CSMD1: variants seen among roughly 807,000 people sequenced by gnomAD.
CSMD1 encodes the protein CUB and sushi domain-containing protein 1.
CSMD1 carries 213 observed loss-of-function variants against 417.5 expected under a neutral mutation model. The observed-to-expected ratio is 0.51, with a 90% CI of 0.46 to 0.57. The LOEUF (loss-of-function observed/expected upper bound fraction) is 0.57. Among genes scored for constraint, CSMD1 ranks in the 20% least tolerant of loss-of-function variants. CSMD1 has a pLI of 0.00. For missense variants in CSMD1, 6,923 were observed against 4,529.7 expected, an observed-to-expected ratio of 1.53 and a Z score of -15.17; for synonymous variants, 2,862 against 1,736.8, an observed-to-expected ratio of 1.65 and a Z score of -16.11.
intron 3 of CSMD1, among the ~76,000 whole-genome samples, chr8:4,142,774 A>C (rs1398031280): frequency 6.6e-6 from 1 of 151,112 alleles, no homozygotes; most frequent in Admixed American, 6.6e-5. Context: ...CATTAGTGCA[A>C]AACAGGCTTC....
chr8:2,951,749 C>T (rs982071609), intron 65 of CSMD1, among the ~76,000 whole-genome samples: 1 of 152,170 alleles, frequency 6.6e-6, no homozygotes, highest in African/African-American at 2.4e-5. Context: ...CTCGAAAAAG[C>T]TTACATATCC....
intron 10 of CSMD1, among the ~76,000 whole-genome samples, chr8:3,518,864 C>G (rs1797388044): frequency 6.6e-6 from 1 of 152,144 alleles, no homozygotes; most frequent in South Asian, 2.1e-4. Context: ...CATACTATAA[C>G]AAGACAGTCC....
intron 2 of CSMD1, among the ~76,000 whole-genome samples, chr8:4,613,039 G>T (rs1398617433): frequency 6.6e-6 from 1 of 152,102 alleles, no homozygotes; most frequent in Non-Finnish European, 1.5e-5. Flanking sequence ...GGGGCTAGAG[G>T]AACTTGTTTT....
rs1233118651 is a variant in CSMD1, at chr8:4,212,748, A to AT, written c.416-180650dup. ...GTGAAAAGTTTACAACAGCGGCCTT[A>AT]TTCTTTTTTTTTTTTTTTTTTTTTT... On this transcript the variant is annotated intron_variant, in intron 3 of 69. Transcript: ENST00000635120. Among the ~76,000 whole-genome samples the AT allele has an allele frequency of 3.5e-3, 357 of 101,884 alleles. 5 individuals are homozygous for AT. Among genetic ancestry groups the AT allele is most frequent in the African/African-American group, 0.011 (215 of 19,048 alleles). The allele number at this position is 101,884 out of a possible 152,430, so 66.8% of individuals were successfully genotyped here.
intron 7 of CSMD1, among the ~76,000 whole-genome samples, chr8:3,665,722 A>G (rs1010489534): frequency 2.0e-5 from 3 of 151,648 alleles, no homozygotes; most frequent in Non-Finnish European, 4.4e-5. Flanking sequence ...TCTTATCTCA[A>G]ATGAATTAAA....
chr8:3,119,452 A>C (rs369059142), intron 41 of CSMD1, among the ~76,000 whole-genome samples: 108 of 150,246 alleles, frequency 7.2e-4, no homozygotes, highest in African/African-American at 2.5e-3. Context: ...TATCAGTACA[A>C]TTTTTTATAA....
At chr8:3,687,206 G>C (rs1799985807) in intron 7 of CSMD1, among the ~76,000 whole-genome samples, 1 of 152,198 alleles carries the variant, frequency 6.6e-6, no homozygotes, top group African/African-American at 2.4e-5. Context: ...CTTCCATCTT[G>C]GTTTGCCCAG....
chr8:4,199,673 G>C (rs1324249646), intron 3 of CSMD1, among the ~76,000 whole-genome samples: 1 of 152,122 alleles, frequency 6.6e-6, no homozygotes, highest in African/African-American at 2.4e-5. Context: ...AGGCTGGACA[G>C]GCAAGGCAGT....
At chr8:3,566,455 C>T (rs1027202868) in intron 10 of CSMD1, among the ~76,000 whole-genome samples, 3 of 152,014 alleles carry the variant, frequency 2.0e-5, no homozygotes, top group African/African-American at 4.8e-5. Flanking sequence ...ACCACCGTAC[C>T]GCTCCTCCTG....
chr8:2,949,075 T>C (rs74806622), intron 68 of CSMD1, among the ~76,000 whole-genome samples: 6,667 of 152,076 alleles, frequency 0.044, 189 homozygotes, highest in Admixed American at 0.062. Flanking sequence ...CTTGATATAG[T>C]GAAGATATGA....
chr8:2,984,473 T>G (rs560546518), intron 54 of CSMD1, among the ~76,000 whole-genome samples: 5 of 152,224 alleles, frequency 3.3e-5, no homozygotes, highest in African/African-American at 9.6e-5. Context: ...CTCAGCCTCC[T>G]GAATAGCTGT....
chr8:4,238,346 G>T (rs539463489), intron 3 of CSMD1, among the ~76,000 whole-genome samples: 7 of 152,174 alleles, frequency 4.6e-5, no homozygotes, highest in Non-Finnish European at 1.0e-4. Context: ...TGGTCCTCCA[G>T]CTCCCAGCAA....
At chr8:4,277,176 T>A (rs1453129180) in intron 3 of CSMD1, among the ~76,000 whole-genome samples, 1 of 148,994 alleles carries the variant, frequency 6.7e-6, no homozygotes, top group Non-Finnish European at 1.5e-5. Context: ...TACATACATA[T>A]TTATATGTCA....
At chr8:3,484,310 G>A (rs1206807205) in intron 11 of CSMD1, among the ~76,000 whole-genome samples, 1 of 152,134 alleles carries the variant, frequency 6.6e-6, no homozygotes, top group Non-Finnish European at 1.5e-5. Flanking sequence ...TTTGATGAAG[G>A]CAGAAAAGCA....
intron 1 of CSMD1, among the ~76,000 whole-genome samples, chr8:4,921,936 T>G (rs1380628965): frequency 6.6e-6 from 1 of 152,146 alleles, no homozygotes; most frequent in Non-Finnish European, 1.5e-5. Flanking sequence ...GAACGTACCC[T>G]CACATCTGTT....
chr8:4,352,996 T>C lies in CSMD1; in HGVS notation c.415+66957A>G, dbSNP rs113471957. Reference sequence around the variant, plus strand: ...CAAGCCTTTGAATGCAACATTAAAATGACTAATTATTTCCTCTGGATACTA... The same window carrying C: ...CAAGCCTTTGAATGCAACATTAAAACGACTAATTATTTCCTCTGGATACTA... On this transcript the variant is annotated intron_variant, in intron 3 of 69. Coordinates refer to ENST00000635120, the MANE Select transcript of CSMD1 (RefSeq NM_033225.6). Among the ~76,000 whole-genome samples, 1,369 of 152,346 alleles carry C rather than the reference T, an allele frequency of 9.0e-3. 22 individuals carry two copies. Among genetic ancestry groups the C allele is most frequent in the African/African-American group, 0.032 (1,310 of 41,570 alleles).
intron 5 of CSMD1, among the ~76,000 whole-genome samples, chr8:3,788,605 G>T (rs1297211566): frequency 6.6e-6 from 1 of 152,224 alleles, no homozygotes; most frequent in Non-Finnish European, 1.5e-5. Context: ...TAATAGGATT[G>T]TAAAGATTTA....
At chr8:3,039,362 C>CTCTCTCCCTCCCTTCCTT in intron 50 of CSMD1, among the ~76,000 whole-genome samples, 1 of 135,806 alleles carries the variant, frequency 7.4e-6, no homozygotes, top group African/African-American at 3.4e-5. Flanking sequence ...TTCCTTCCTC[C>CTCTCTCCCTCCCTTCCTT]TTTACTTTCC....
intron 3 of CSMD1, among the ~76,000 whole-genome samples, chr8:4,174,428 T>C (rs1200192097): frequency 6.6e-6 from 1 of 152,004 alleles, no homozygotes; most frequent in Admixed American, 6.6e-5. Flanking sequence ...ACCGTGTATG[T>C]AATCTCCTGA....
Sources: allele counts gnomAD v4.1 joint callset (sites outside exome capture counted in the v4.1 genomes callset), GRCh38; gene constraint gnomAD v4.1.1; transcripts MANE v1.5; gene names NCBI Gene and HGNC (gene_info 2026-07-23, HGNC 2026-07-21).